DPP10: variants seen among roughly 807,000 people sequenced by gnomAD.
DPP10 encodes inactive dipeptidyl peptidase 10.
DPP10 carries 33 observed loss-of-function variants against 120.9 expected under a neutral mutation model. The ratio of observed to expected loss-of-function variants is 0.27; its 90% confidence interval spans 0.21 to 0.37. DPP10 has a LOEUF of 0.37. Among genes scored for constraint, DPP10 ranks in the 10% least tolerant of loss-of-function variants. DPP10 has a pLI of 1.00. For synonymous variants in DPP10, 337 were observed against 326.1 expected (o/e 1.03, Z -0.36); for missense variants, 816 against 942.8 (o/e 0.87, Z 1.76).
chr2:115,174,091 T>C (rs1420429427), intron 1 of DPP10, among the ~76,000 whole-genome samples: 1 of 152,146 alleles, frequency 6.6e-6, no homozygotes, highest in Admixed American at 6.6e-5. Context: ...TGGTAGCAGG[T>C]TTAATAAGAA....
At chr2:114,923,885 T>C (rs1695401900) in intron 1 of DPP10, among the ~76,000 whole-genome samples, 1 of 152,128 alleles carries the variant, frequency 6.6e-6, no homozygotes, top group Non-Finnish European at 1.5e-5. Flanking sequence ...AGAATATTAT[T>C]TAATTTGTTT....
At chr2:114,539,547 G>A (rs1190461307) in intron 1 of DPP10, among the ~76,000 whole-genome samples, 1 of 152,060 alleles carries the variant, frequency 6.6e-6, no homozygotes, top group Non-Finnish European at 1.5e-5. Flanking sequence ...TGCTTTCTTT[G>A]CTCAGGTTCT....
At chr2:115,261,387 G>A (rs1290477210) in intron 1 of DPP10, among the ~76,000 whole-genome samples, 1 of 152,132 alleles carries the variant, frequency 6.6e-6, no homozygotes, top group Middle Eastern at 3.2e-3. Flanking sequence ...TGTATGGAAC[G>A]CATGGTGAAG....
intron 1 of DPP10, among the ~76,000 whole-genome samples, chr2:114,672,454 T>G (rs183643608): frequency 6.6e-5 from 10 of 152,322 alleles, no homozygotes; most frequent in Admixed American, 5.9e-4. Context: ...TAGTTTGCAC[T>G]GATACTCAGT....
intron 7 of DPP10, among the ~76,000 whole-genome samples, chr2:115,725,730 T>C (rs535248571): frequency 2.7e-4 from 41 of 152,296 alleles, no homozygotes; most frequent in African/African-American, 8.9e-4. Flanking sequence ...TGCTGAGTAG[T>C]CCCGGTGTGC....
chr2:115,556,326 A>AAAC (rs2080207850), intron 5 of DPP10, among the ~76,000 whole-genome samples: 1 of 151,092 alleles, frequency 6.6e-6, no homozygotes, highest in African/African-American at 2.4e-5. Flanking sequence ...ACAAATTCAT[A>AAAC]AACTTTCTTA....
rs1690537445 is a variant in DPP10, at chr2:115,845,432, T to TA, written c.*3089dup. ...CTGCAAACCGATGTGAAGGTGTTAC[T>TA]AACCCGCTAAAACACAATTAATGAA... On this transcript the variant is annotated 3_prime_UTR_variant, in exon 26 of 26. Transcript: ENST00000410059. The TA allele has an allele frequency of 6.6e-6, 1 of 152,218 alleles. No individual in the cohort carries two copies. The highest frequency in any genetic ancestry group is 1.9e-4 in the East Asian group (1 of 5,190). 9.4% of individuals were successfully genotyped at this position (152,218 alleles called of 1,614,324 possible).
intron 3 of DPP10, among the ~76,000 whole-genome samples, chr2:115,388,669 T>C (rs1158779225): frequency 1.3e-5 from 2 of 152,232 alleles, no homozygotes; most frequent in African/African-American, 4.8e-5. Context: ...TTCCTGATTA[T>C]GTTGTTTTTT....
chr2:115,176,320 TAAAC>T (rs2105101796), intron 1 of DPP10, among the ~76,000 whole-genome samples: 1 of 147,862 alleles, frequency 6.8e-6, no homozygotes, highest in East Asian at 1.9e-4. Context: ...TTGTTATATA[TAAAC>T]ATTTTATATT....
chr2:115,278,301 G>C (rs2060000066), intron 1 of DPP10, among the ~76,000 whole-genome samples: 1 of 152,096 alleles, frequency 6.6e-6, no homozygotes, highest in Non-Finnish European at 1.5e-5. Context: ...TTGATGTAAA[G>C]CTGTCCCACT....
intron 1 of DPP10, among the ~76,000 whole-genome samples, chr2:114,947,475 T>C (rs1307048912): frequency 6.6e-6 from 1 of 151,942 alleles, no homozygotes; most frequent in African/African-American, 2.4e-5. Context: ...TGCATAGTCA[T>C]ATTTATTACT....
intron 1 of DPP10, among the ~76,000 whole-genome samples, chr2:115,013,994 C>T (rs1335177574): frequency 6.6e-6 from 1 of 152,060 alleles, no homozygotes; most frequent in Non-Finnish European, 1.5e-5. Context: ...CCAAGCAGAC[C>T]TAGTAGACAT....
intron 3 of DPP10, among the ~76,000 whole-genome samples, chr2:115,388,097 G>T (rs1020287217): frequency 6.6e-6 from 1 of 152,118 alleles, no homozygotes; most frequent in African/African-American, 2.4e-5. Context: ...CAAATTATAG[G>T]TCACATCACT....
chr2:115,690,834 C>T (rs2149499882), intron 7 of DPP10, among the ~76,000 whole-genome samples: 1 of 152,260 alleles, frequency 6.6e-6, no homozygotes, highest in Non-Finnish European at 1.5e-5. Flanking sequence ...CTGAGCATCA[C>T]CAAACTGATT....
At chr2:115,365,609 ATGGCAATTAATTC>A (rs2106372551) in intron 3 of DPP10, among the ~76,000 whole-genome samples, 1 of 152,180 alleles carries the variant, frequency 6.6e-6, no homozygotes, top group Non-Finnish European at 1.5e-5. Context: ...TCTCAATACA[ATGGCAATTAATTC>A]TGGAAAGTCA....
At chr2:114,835,135 A>T (rs1381297088) in intron 1 of DPP10, 1 of 149,556 alleles carries the variant, frequency 6.7e-6, no homozygotes, top group South Asian at 2.1e-4. Context: ...TATAAGACAT[A>T]TCTACACACC....
chr2:114,969,483 C>T (rs1699252256), intron 1 of DPP10, among the ~76,000 whole-genome samples: 1 of 152,184 alleles, frequency 6.6e-6, no homozygotes, highest in Admixed American at 6.5e-5. Context: ...CACACACACT[C>T]ATACACACTA....
chr2:114,955,711 C>T (rs1476938153), intron 1 of DPP10, among the ~76,000 whole-genome samples: 1 of 152,090 alleles, frequency 6.6e-6, no homozygotes, highest in Non-Finnish European at 1.5e-5. Flanking sequence ...ATATAGCAAA[C>T]CAAGTTTAAC....
intron 1 of DPP10, among the ~76,000 whole-genome samples, chr2:114,556,566 G>T (rs1312592321): frequency 2.0e-5 from 3 of 152,066 alleles, no homozygotes; most frequent in African/African-American, 4.8e-5. Flanking sequence ...ATGAGGATGT[G>T]AAGTAAATAG....
Sources: gnomAD v4.1 joint callset for allele counts (sites outside exome capture counted in the v4.1 genomes callset) on GRCh38, gnomAD v4.1.1 for gene constraint, MANE v1.5 for transcripts, NCBI Gene and HGNC (gene_info 2026-07-23, HGNC 2026-07-21) for gene names.